Variants in NCOA3 observed in about 807,000 individuals in gnomAD.
The protein encoded by NCOA3 is nuclear receptor coactivator 3, also known as CBP-interacting protein.
Under a neutral mutation model 158.8 loss-of-function variants are expected in NCOA3, and 51 were observed. The ratio of observed to expected loss-of-function variants is 0.32; its 90% CI spans 0.26 to 0.41. The LOEUF is 0.41. Ranked by LOEUF, NCOA3 falls within the 10% of genes least tolerant of loss-of-function variation. NCOA3 has a pLI of 1.00. For missense variants in NCOA3, 1,510 were observed against 1,746.6 expected, an observed-to-expected ratio of 0.86 and a Z score of 2.41; for synonymous variants, 537 against 592.4, an observed-to-expected ratio of 0.91 and a Z score of 1.36.
chr20:47,511,556 T>TATATATACACACACACATACACA (rs1569310943), intron 1 of NCOA3, among the ~76,000 whole-genome samples: 1 of 30,198 alleles, frequency 3.3e-5, no homozygotes, highest in African/African-American at 6.5e-5. Flanking sequence ...TATATATATA[T>TATATATACACACACACATACACA]TTCTTTTTTT....
Position 47,622,236 on chromosome 20 carries a change from T to C in NCOA3, c.-12T>C. ...CTCATTATTCTCTCTTAGTTGCTGA[T>C]GTATATTCAAGATGAGTGGATTAGG... On this transcript the variant is annotated 5_prime_UTR_variant, in exon 3 of 23. The change abolishes an upstream ATG in the 5' untranslated region. Coordinates refer to ENST00000371998, the MANE Select transcript of NCOA3 (RefSeq NM_181659.3). 6.4e-7 allele frequency: 1 copy of C among 1,552,770 alleles called. No individual in the cohort carries two copies. Among genetic ancestry groups the C allele is most frequent in the Admixed American group, 1.8e-5 (1 of 56,550 alleles).
At chr20:47,594,773 T>G (rs2085722101) in intron 2 of NCOA3, among the ~76,000 whole-genome samples, 1 of 135,242 alleles carries the variant, frequency 7.4e-6, no homozygotes, top group Non-Finnish European at 1.6e-5. Context: ...AAGGCTGAGG[T>G]GGGCAGAATA....
At chr20:47,568,519 T>C (rs918231273) in intron 1 of NCOA3, among the ~76,000 whole-genome samples, 1 of 152,190 alleles carries the variant, frequency 6.6e-6, no homozygotes, top group African/African-American at 2.4e-5. Flanking sequence ...AAATACTTTA[T>C]TGTGGCCTGG....
intron 1 of NCOA3, among the ~76,000 whole-genome samples, chr20:47,503,366 T>G (rs894421913): frequency 6.6e-6 from 1 of 152,208 alleles, no homozygotes; most frequent in Admixed American, 6.5e-5. Flanking sequence ...TTTAAATGTA[T>G]GCTCATTTAG....
At chr20:47,607,704 C>G (rs1020749794) in intron 2 of NCOA3, among the ~76,000 whole-genome samples, 1 of 151,932 alleles carries the variant, frequency 6.6e-6, no homozygotes, top group Non-Finnish European at 1.5e-5. Context: ...TTTTTCTCTC[C>G]TATAAAACTC....
intron 3 of NCOA3, among the ~76,000 whole-genome samples, chr20:47,623,561 GTGGATTACCTGA>G (rs1456483500): frequency 1.3e-5 from 2 of 152,176 alleles, no homozygotes; most frequent in Non-Finnish European, 2.9e-5. Flanking sequence ...GCCAGGGTGG[GTGGATTACCTGA>G]GGTCAGGAGT....
chr20:47,616,075 T>C (rs2146286828), intron 2 of NCOA3, among the ~76,000 whole-genome samples: 1 of 151,626 alleles, frequency 6.6e-6, no homozygotes, highest in East Asian at 2.0e-4. Flanking sequence ...GGAGAATTGC[T>C]TGAATCTGGG....
At chr20:47,570,982 A>ACATGTGTG (rs1555805794) in intron 1 of NCOA3, among the ~76,000 whole-genome samples, 14 of 80,504 alleles carry the variant, frequency 1.7e-4, no homozygotes, top group African/African-American at 6.8e-4. Context: ...GTATATACAT[A>ACATGTGTG]TATGTGTGTG....
intron 2 of NCOA3, among the ~76,000 whole-genome samples, chr20:47,594,652 G>A (rs1156798259): frequency 1.2e-4 from 12 of 103,764 alleles, no homozygotes; most frequent in South Asian, 3.5e-4. Flanking sequence ...GCGACAGAGC[G>A]AGACTCTGTC....
chr20:47,523,685 A>G (rs1602342277), intron 1 of NCOA3, among the ~76,000 whole-genome samples: 1 of 152,344 alleles, frequency 6.6e-6, no homozygotes, highest in South Asian at 2.1e-4. Flanking sequence ...TGTTAATCCC[A>G]AAGCAGCATG....
At chr20:47,566,630 G>C (rs1297143176) in intron 1 of NCOA3, among the ~76,000 whole-genome samples, 2 of 152,020 alleles carry the variant, frequency 1.3e-5, no homozygotes, top group East Asian at 1.9e-4. Context: ...TTTCACCTCA[G>C]CCTCCAGAAT....
chr20:47,542,399 G>A (rs935128205), intron 1 of NCOA3, among the ~76,000 whole-genome samples: 2 of 152,008 alleles, frequency 1.3e-5, no homozygotes, highest in African/African-American at 4.8e-5. Flanking sequence ...TGGTTTTTCA[G>A]TGTGTCCTCT....
chr20:47,599,254 A>G (rs956619936), intron 2 of NCOA3, among the ~76,000 whole-genome samples: 4 of 152,346 alleles, frequency 2.6e-5, no homozygotes, highest in African/African-American at 7.2e-5. Context: ...CCAGTCACAA[A>G]GAACTAGATA....
chr20:47,569,727 A>G (rs1468072119), intron 1 of NCOA3, among the ~76,000 whole-genome samples: 1 of 151,772 alleles, frequency 6.6e-6, no homozygotes, highest in African/African-American at 2.4e-5. Context: ...CCTGCTGCTC[A>G]TGGCTGGGCG....
chr20:47,583,215 G>A lies in NCOA3; in HGVS notation c.-66G>A, dbSNP rs779965411. ...ATACTTGCTGGATGGTGGACTCAGA[G>A]ACCAATAAAAATAAACTGCTTGAAC... On this transcript the variant is annotated 5_prime_UTR_variant, in exon 2 of 23. Coordinates refer to ENST00000371998, the MANE Select transcript of NCOA3 (RefSeq NM_181659.3). 11 of 398,488 alleles carry A rather than the reference G, an allele frequency of 2.8e-5. No homozygotes were observed. The highest frequency in any genetic ancestry group is 2.1e-4 in the African/African-American group (10 of 48,636). The allele number at this position is 398,488 out of a possible 1,614,324, so 24.7% of individuals were successfully genotyped here.
At chr20:47,502,657 G>C (rs2083956777) in intron 1 of NCOA3, among the ~76,000 whole-genome samples, 1 of 151,872 alleles carries the variant, frequency 6.6e-6, no homozygotes, top group African/African-American at 2.4e-5. Context: ...ATGGCAAGTG[G>C]GAAGTTGGTT....
chr20:47,556,681 C>A (rs923346709), intron 1 of NCOA3, among the ~76,000 whole-genome samples: 72 of 151,990 alleles, frequency 4.7e-4, no homozygotes, highest in Admixed American at 3.9e-4. Context: ...TGCCACCATG[C>A]CTGACTAATT....
intron 1 of NCOA3, among the ~76,000 whole-genome samples, chr20:47,536,733 C>A (rs565651249): frequency 6.6e-6 from 1 of 151,952 alleles, no homozygotes; most frequent in East Asian, 1.9e-4. Context: ...TCAAGCCATC[C>A]TCCTGCATGG....
chr20:47,584,481 A>G (rs888797605), intron 2 of NCOA3, among the ~76,000 whole-genome samples: 8 of 151,948 alleles, frequency 5.3e-5, no homozygotes, highest in Non-Finnish European at 1.2e-4. Context: ...TTAGCCGGGC[A>G]TAGTGGCGTG....
Sources: allele counts gnomAD v4.1 joint callset (sites outside exome capture counted in the v4.1 genomes callset), GRCh38; gene constraint gnomAD v4.1.1; transcripts MANE v1.5; gene names NCBI Gene and HGNC (gene_info 2026-07-23, HGNC 2026-07-21).